ZFYVE9: variants seen among roughly 807,000 people sequenced by gnomAD.
ZFYVE9 encodes the protein zinc finger FYVE domain-containing protein 9.
In ZFYVE9, 43 loss-of-function variants were observed where a neutral mutation model predicts 126.7. The observed-to-expected ratio is 0.34, with a 90% CI of 0.27 to 0.44. The LOEUF is 0.44. ZFYVE9 is among the 20% of genes least tolerant of loss of function. ZFYVE9 has a pLI of 1.00. For synonymous variants in ZFYVE9, 521 were observed against 597.4 expected (o/e 0.87, Z 1.87); for missense variants, 1,476 against 1,697.0 (o/e 0.87, Z 2.29).
chr1:52,284,853 C>T (rs1222723791), intron 10 of ZFYVE9, among the ~76,000 whole-genome samples: 3 of 152,152 alleles, frequency 2.0e-5, no homozygotes, highest in Admixed American at 6.5e-5. Flanking sequence ...GACTATAATA[C>T]ATCTAAGCCA....
intron 1 of ZFYVE9, among the ~76,000 whole-genome samples, chr1:52,215,578 A>C (rs1645064508): frequency 6.6e-6 from 1 of 152,218 alleles, no homozygotes; most frequent in African/African-American, 2.4e-5. Context: ...GTGTTCTGAA[A>C]ATACTATGAT....
chr1:52,245,055 G>T (rs1442271380), intron 4 of ZFYVE9, among the ~76,000 whole-genome samples: 1 of 151,982 alleles, frequency 6.6e-6, no homozygotes. Context: ...CTACTCAGGA[G>T]GCTGAGGCAC....
At chr1:52,168,081 G>C (rs372753926) in intron 1 of ZFYVE9, among the ~76,000 whole-genome samples, 1 of 151,990 alleles carries the variant, frequency 6.6e-6, no homozygotes, top group African/African-American at 2.4e-5. Context: ...AGTTAGGAGG[G>C]ACTGCTTTCA....
Position 52,266,654 on chromosome 1 carries a change from G to A in ZFYVE9, c.2279-1G>A. 1 of 1,585,828 alleles carries A rather than the reference G, an allele frequency of 6.3e-7. No individual in the cohort carries two copies. Among genetic ancestry groups the A allele is most frequent in the Non-Finnish European group, 8.6e-7 (1 of 1,167,484 alleles). On this transcript the variant is annotated splice_acceptor_variant, in intron 5 of 18. Transcript: ENST00000287727. LOFTEE classifies it high-confidence loss of function. ...ATTGATTGTGTCTGTATTTGCTTTA[G>A]CTCAAGCCTGGGAGAACATGATGAG... is the stretch of plus-strand genomic sequence containing the variant.
chr1:52,266,086 C>A (rs1645630035), intron 5 of ZFYVE9, among the ~76,000 whole-genome samples: 1 of 152,024 alleles, frequency 6.6e-6, no homozygotes. Context: ...TCAGAAGTAT[C>A]CTATAATTCT....
At chr1:52,262,699 A>G (rs529991743) in intron 4 of ZFYVE9, among the ~76,000 whole-genome samples, 146 of 152,308 alleles carry the variant, frequency 9.6e-4, no homozygotes, top group African/African-American at 3.4e-3. Context: ...TAAAAACTGA[A>G]GAAGTAGAAT....
intron 7 of ZFYVE9, among the ~76,000 whole-genome samples, chr1:52,273,818 C>CAA (rs61193193): frequency 6.4e-4 from 48 of 75,460 alleles, no homozygotes; most frequent in Middle Eastern, 7.1e-3. Context: ...GACTCCTTCT[C>CAA]AAAAAAAAAA....
intron 13 of ZFYVE9, among the ~76,000 whole-genome samples, chr1:52,317,731 T>C (rs1456881677): frequency 6.6e-6 from 1 of 152,168 alleles, no homozygotes; most frequent in African/African-American, 2.4e-5. Flanking sequence ...ACAAATTACC[T>C]TTTTAGGATG....
chr1:52,228,485 A>T (rs1486503451), intron 2 of ZFYVE9, among the ~76,000 whole-genome samples: 2 of 152,192 alleles, frequency 1.3e-5, no homozygotes, highest in Non-Finnish European at 2.9e-5. Context: ...GACTAGAACA[A>T]TTAAGACCCA....
At chr1:52,147,510 T>A (rs1289629620) in intron 1 of ZFYVE9, among the ~76,000 whole-genome samples, 1 of 152,224 alleles carries the variant, frequency 6.6e-6, no homozygotes, top group Non-Finnish European at 1.5e-5. Flanking sequence ...ATATGACTGG[T>A]TTCTCTTACT....
chr1:52,333,060 G>A, intron 14 of ZFYVE9, 142 bp downstream of exon 14: 1 of 1,174,312 alleles, frequency 8.5e-7, no homozygotes. Flanking sequence ...ATATTCTTCA[G>A]GATTATGTTG....
chr1:52,203,246 A>G (rs1436770754), intron 1 of ZFYVE9, among the ~76,000 whole-genome samples: 1 of 151,670 alleles, frequency 6.6e-6, no homozygotes, highest in African/African-American at 2.4e-5. Flanking sequence ...CAGTGGCCTG[A>G]TCTCGGTTAA....
intron 5 of ZFYVE9, 125 bp from the exon 6 acceptor site, chr1:52,266,530 G>C (rs1338663756): frequency 6.6e-6 from 5 of 756,668 alleles, no homozygotes; most frequent in Non-Finnish European, 9.8e-6. Context: ...ACCTTCACTA[G>C]GTGGAAGAGA....
At chr1:52,216,699 C>T (rs1369717205) in intron 2 of ZFYVE9, among the ~76,000 whole-genome samples, 1 of 152,148 alleles carries the variant, frequency 6.6e-6, no homozygotes, top group African/African-American at 2.4e-5. Context: ...GTTAATTTCC[C>T]TCCCAGTGCT....
At chr1:52,326,997 C>T (rs1646297773) in intron 13 of ZFYVE9, among the ~76,000 whole-genome samples, 1 of 151,140 alleles carries the variant, frequency 6.6e-6, no homozygotes, top group African/African-American at 2.4e-5. Flanking sequence ...CCCATCTCTA[C>T]TAAAAATACA....
intron 15 of ZFYVE9, chr1:52,335,055 TTAA>T (rs1423680636): frequency 4.1e-6 from 1 of 241,128 alleles, no homozygotes; most frequent in Non-Finnish European, 8.1e-6. Context: ...GGTGGAAATA[TTAA>T]TATCTAAATG....
At chr1:52,309,319 A>T (rs1249655238) in intron 13 of ZFYVE9, among the ~76,000 whole-genome samples, 1 of 152,164 alleles carries the variant, frequency 6.6e-6, no homozygotes, top group African/African-American at 2.4e-5. Context: ...TCTACAAAAA[A>T]TACAAAAAAT....
rs181075255 is a variant in ZFYVE9 at position 52,304,794 on chromosome 1, T to A, written c.3438+869T>A. Among the ~76,000 whole-genome samples, 78 of 142,132 alleles carry A rather than the reference T, an allele frequency of 5.5e-4. 1 individual carries two copies. In the East Asian group the frequency reaches 0.013, roughly 24 times the overall value. 93.2% of individuals were successfully genotyped at this position (142,132 alleles called of 152,430 possible). ...CTTTTAGCCATGACTTTCCACGTGA[T>A]TTTTTTTTTTTTAAGGATATTAGAA... On this transcript the variant is annotated intron_variant, in intron 13 of 18. Coordinates refer to ENST00000287727, the MANE Select transcript of ZFYVE9 (RefSeq NM_004799.4).
At chr1:52,264,089 G>A (rs1407418808) in intron 5 of ZFYVE9, 1 of 301,576 alleles carries the variant, frequency 3.3e-6, no homozygotes, top group Non-Finnish European at 6.2e-6. Context: ...CTAAAGCCAG[G>A]TAAGTTTTGC....
Sources: allele counts gnomAD v4.1 joint callset (sites outside exome capture counted in the v4.1 genomes callset), GRCh38; gene constraint gnomAD v4.1.1; transcripts MANE v1.5; gene names NCBI Gene and HGNC (gene_info 2026-07-23, HGNC 2026-07-21).